Variants in ADRA1B observed in about 807,000 individuals in gnomAD.
The protein encoded by ADRA1B is alpha-1B adrenergic receptor.
A neutral mutation model predicts 17.9 loss-of-function variants in ADRA1B; 17 were observed. The observed-to-expected ratio is 0.95, with a 90% CI of 0.65 to 1.42. The LOEUF is 1.42. Among genes scored for constraint, ADRA1B ranks in the 40% most tolerant of loss-of-function variants. The probability of loss-of-function intolerance (pLI) is 0.00; values close to 1 mark genes in which losing one functional copy is unlikely to be tolerated. For missense variants in ADRA1B, 681 were observed against 722.1 expected, an observed-to-expected ratio of 0.94 and a Z score of 0.65; for synonymous variants, 366 against 327.6, an observed-to-expected ratio of 1.12 and a Z score of -1.27.
intron 1 of ADRA1B, chr5:159,951,442 G>A: frequency 1.3e-6 from 1 of 746,830 alleles, no homozygotes; most frequent in Non-Finnish European, 2.4e-6. Flanking sequence ...AAGCTGCCCT[G>A]GTGAGCAGGT....
chr5:159,952,575 T>C (rs1755465988), intron 1 of ADRA1B, among the ~76,000 whole-genome samples: 1 of 152,272 alleles, frequency 6.6e-6, no homozygotes, highest in Non-Finnish European at 1.5e-5. Context: ...GATAGCTCCA[T>C]GACTGAGTAA....
intron 1 of ADRA1B, among the ~76,000 whole-genome samples, chr5:159,903,659 C>T (rs1189639726): frequency 6.6e-6 from 1 of 152,128 alleles, no homozygotes; most frequent in Non-Finnish European, 1.5e-5. Context: ...GAAGGGCGGC[C>T]ACATTCACTC....
At chr5:159,981,739 G>A in the ADRA1B span, among the ~76,000 whole-genome samples, 135 of 152,152 alleles carry the variant, frequency 8.9e-4, 2 homozygotes, top group East Asian at 0.011. Flanking sequence ...CTTGTGATCC[G>A]CCCGCCTCGG....
Position 159,972,522 on chromosome 5 carries a change from G to C in ADRA1B, c.*30G>C, listed in dbSNP as rs1415813084. ...CCCGTGCGCAGCTTTCTTTCCCTGG[G>C]GAGGAAAACATCGTGGGGGGGAGGG... is the stretch of plus-strand genomic sequence containing the variant. On this transcript the variant is annotated 3_prime_UTR_variant, in exon 2 of 2. Transcript: ENST00000306675. 1.0e-4 allele frequency: 84 copies of C among 808,810 alleles called. 1 individual carries two copies. The East Asian group carries it at 8.8e-3, about 84-fold the overall frequency. 50.1% of individuals were successfully genotyped at this position (808,810 alleles called of 1,614,324 possible).
intron 1 of ADRA1B, among the ~76,000 whole-genome samples, chr5:159,896,659 C>T (rs914951311): frequency 6.6e-6 from 1 of 152,200 alleles, no homozygotes; most frequent in African/African-American, 2.4e-5. Flanking sequence ...GGTCCTCTGT[C>T]AAATCCATCC....
At chr5:159,896,523 T>G (rs895178362) in intron 1 of ADRA1B, among the ~76,000 whole-genome samples, 1 of 152,184 alleles carries the variant, frequency 6.6e-6, no homozygotes. Context: ...AAATGAAAGG[T>G]GTGTGCTCAG....
chr5:159,959,044 A>C (rs961979319), intron 1 of ADRA1B, among the ~76,000 whole-genome samples: 6 of 152,226 alleles, frequency 3.9e-5, no homozygotes, highest in African/African-American at 1.4e-4. Context: ...ATCAATGGGC[A>C]CTGACTGCAT....
At chr5:159,887,247 A>G (rs191377480) in intron 1 of ADRA1B, among the ~76,000 whole-genome samples, 85 of 152,346 alleles carry the variant, frequency 5.6e-4, no homozygotes, top group Admixed American at 4.8e-3. Context: ...ATTTCCCATT[A>G]TATCAAGCTA....
intron 1 of ADRA1B, among the ~76,000 whole-genome samples, chr5:159,951,697 C>A (rs1387088812): frequency 6.6e-6 from 1 of 152,168 alleles, no homozygotes; most frequent in Non-Finnish European, 1.5e-5. Context: ...CCCATAGCCA[C>A]CTTTGGGGTC....
At chr5:159,947,863 C>CA (rs1755320018) in intron 1 of ADRA1B, 4 of 985,296 alleles carry the variant, frequency 4.1e-6, no homozygotes, top group Non-Finnish European at 1.2e-6. Context: ...GCAATTAGCA[C>CA]AAAAATTTAG....
intron 1 of ADRA1B, among the ~76,000 whole-genome samples, chr5:159,947,249 G>T (rs1432737438): frequency 2.0e-5 from 3 of 152,032 alleles, no homozygotes; most frequent in Non-Finnish European, 4.4e-5. Flanking sequence ...GCTGAGGCAG[G>T]GAGAATTGCT....
chr5:159,919,272 CAG>C (rs1181556311), intron 1 of ADRA1B, among the ~76,000 whole-genome samples: 4 of 152,024 alleles, frequency 2.6e-5, no homozygotes, highest in Non-Finnish European at 5.9e-5. Flanking sequence ...CATACCATTG[CAG>C]GGAAGCTTGC....
chr5:159,949,503 G>A (rs1179590080), intron 1 of ADRA1B, among the ~76,000 whole-genome samples: 2 of 152,104 alleles, frequency 1.3e-5, no homozygotes, highest in African/African-American at 4.8e-5. Context: ...AGAACTTCTG[G>A]GCTTGCCAGA....
At chr5:159,965,978 T>C (rs1057172574) in intron 1 of ADRA1B, among the ~76,000 whole-genome samples, 1 of 152,162 alleles carries the variant, frequency 6.6e-6, no homozygotes, top group Non-Finnish European at 1.5e-5. Context: ...TTTTACCATG[T>C]TGGCGAGGCT....
chr5:159,920,646 T>C (rs186437224), intron 1 of ADRA1B, among the ~76,000 whole-genome samples: 3 of 152,168 alleles, frequency 2.0e-5, no homozygotes, highest in African/African-American at 4.8e-5. Flanking sequence ...AGGACTTGAG[T>C]TTGAGATGGG....
upstream of ADRA1B, among the ~76,000 whole-genome samples, chr5:159,915,437 C>A (rs753308034): frequency 7.2e-5 from 11 of 152,204 alleles, no homozygotes; most frequent in Non-Finnish European, 1.6e-4. Flanking sequence ...ACATAAAGTT[C>A]TTTGGCTTTT....
At chr5:159,886,210 G>C (rs1204281747) in intron 1 of ADRA1B, among the ~76,000 whole-genome samples, 2 of 152,208 alleles carry the variant, frequency 1.3e-5, no homozygotes, top group Non-Finnish European at 2.9e-5. Flanking sequence ...CCTTTCTCAA[G>C]GGACCCATAG....
At chr5:159,964,989 C>CCTCACCAAACTTAAGGATCTT (rs1755748243) in intron 1 of ADRA1B, among the ~76,000 whole-genome samples, 2 of 152,164 alleles carry the variant, frequency 1.3e-5, no homozygotes, top group African/African-American at 4.8e-5. Context: ...GGAAACCAAG[C>CCTCACCAAACTTAAGGATCTT]CTCACCAAAC....
At chr5:159,869,339 G>A (rs749828944) in intron 1 of ADRA1B, 1 of 152,208 alleles carries the variant, frequency 6.6e-6, no homozygotes, top group Non-Finnish European at 1.5e-5. Flanking sequence ...AACATAGGCT[G>A]TCATCTAAGT....
Sources: gnomAD v4.1 joint callset for allele counts (sites outside exome capture counted in the v4.1 genomes callset) on GRCh38, gnomAD v4.1.1 for gene constraint, MANE v1.5 for transcripts, NCBI Gene and HGNC (gene_info 2026-07-23, HGNC 2026-07-21) for gene names.